Variants in ZNF438 observed in about 807,000 individuals in gnomAD.
ZNF438 encodes zinc finger protein 438.
Under a neutral mutation model 38.0 loss-of-function variants are expected in ZNF438, and 25 were observed. That is an observed-to-expected ratio of 0.66 (90% CI 0.48 to 0.92). The LOEUF (loss-of-function observed/expected upper bound fraction) is 0.92, where lower values mean the gene tolerates loss of function less well. ZNF438 is among the 40% of genes least tolerant of loss of function. ZNF438 has a pLI of 0.00. For missense variants in ZNF438, 1,007 were observed against 999.6 expected, an observed-to-expected ratio of 1.01 and a Z score of -0.10; for synonymous variants, 372 against 364.1, an observed-to-expected ratio of 1.02 and a Z score of -0.25.
intron 4 of ZNF438, among the ~76,000 whole-genome samples, chr10:30,852,841 T>C (rs1054131696): frequency 5.3e-5 from 8 of 152,206 alleles, no homozygotes; most frequent in Non-Finnish European, 1.0e-4. Context: ...GTAAATTGAG[T>C]GGTAAATCAC....
intron 3 of ZNF438, among the ~76,000 whole-genome samples, chr10:30,887,154 T>A (rs1486733603): frequency 2.0e-5 from 3 of 152,082 alleles, no homozygotes; most frequent in Non-Finnish European, 4.4e-5. Context: ...ATCACTGGAG[T>A]GAGATGGACT....
At chr10:30,992,359 G>A (rs890091240) in intron 1 of ZNF438, among the ~76,000 whole-genome samples, 3 of 151,948 alleles carry the variant, frequency 2.0e-5, no homozygotes, top group African/African-American at 7.2e-5. Flanking sequence ...CATAAATGGA[G>A]CATTAAGGGT....
chr10:30,868,735 T>TATTGCAAATG (rs2036891590), intron 4 of ZNF438, among the ~76,000 whole-genome samples: 1 of 152,264 alleles, frequency 6.6e-6, no homozygotes. Context: ...GCATCTGCTA[T>TATTGCAAATG]ATTGCAAATG....
At chr10:31,023,058 C>T (rs1475622034) in intron 1 of ZNF438, among the ~76,000 whole-genome samples, 2 of 152,178 alleles carry the variant, frequency 1.3e-5, no homozygotes, top group Non-Finnish European at 2.9e-5. Context: ...CAACCTAATA[C>T]TTTATATAAA....
At chr10:30,958,908 C>T (rs2049162260) in intron 1 of ZNF438, among the ~76,000 whole-genome samples, 1 of 147,328 alleles carries the variant, frequency 6.8e-6, no homozygotes, top group Non-Finnish European at 1.5e-5. Context: ...TTTTTCATTG[C>T]TGAATAGTAT....
chr10:30,876,959 AAC>A (rs1476595734), intron 4 of ZNF438, 37 bp downstream of exon 5: 1 of 1,572,128 alleles, frequency 6.4e-7, no homozygotes, highest in Admixed American at 1.7e-5. Context: ...TTAAAACTAT[AAC>A]AGACTCATCA....
chr10:30,862,571 T>C (rs1034816016), intron 4 of ZNF438, among the ~76,000 whole-genome samples: 1 of 152,196 alleles, frequency 6.6e-6, no homozygotes, highest in African/African-American at 2.4e-5. Context: ...TCCCTAAGTG[T>C]TGGAATTACA....
chr10:30,879,002 T>C (rs2038860288), intron 3 of ZNF438, among the ~76,000 whole-genome samples: 1 of 152,040 alleles, frequency 6.6e-6, no homozygotes, highest in Non-Finnish European at 1.5e-5. Flanking sequence ...CGATGAGCTC[T>C]ATGTGAGGAC....
chr10:30,866,223 T>C (rs920981040), intron 4 of ZNF438, among the ~76,000 whole-genome samples: 3 of 152,212 alleles, frequency 2.0e-5, no homozygotes, highest in African/African-American at 7.2e-5. Context: ...AATAGGACTG[T>C]TGTTCTGAGG....
intron 2 of ZNF438, chr10:30,921,351 T>G (rs1051109757): frequency 2.0e-5 from 3 of 152,214 alleles, no homozygotes; most frequent in African/African-American, 7.2e-5. Context: ...TTTAAAGCTA[T>G]TTGCCTATTG....
intron 4 of ZNF438, among the ~76,000 whole-genome samples, chr10:30,853,455 G>C (rs745663338): frequency 6.6e-6 from 1 of 152,088 alleles, no homozygotes; most frequent in Non-Finnish European, 1.5e-5. Flanking sequence ...AGCCATGGTG[G>C]CCTCTTTGCT....
intron 3 of ZNF438, among the ~76,000 whole-genome samples, chr10:30,882,494 A>C (rs2039399877): frequency 6.6e-6 from 1 of 152,242 alleles, no homozygotes; most frequent in Admixed American, 6.5e-5. Context: ...ATAAACATAC[A>C]ATGGAACATT....
At chr10:30,942,697 T>A (rs1054175310) in intron 1 of ZNF438, among the ~76,000 whole-genome samples, 1 of 151,364 alleles carries the variant, frequency 6.6e-6, no homozygotes, top group South Asian at 2.1e-4. Context: ...ATTTCTGATA[T>A]CCTGTCCTAG....
intron 1 of ZNF438, among the ~76,000 whole-genome samples, chr10:30,943,567 A>T (rs908847894): frequency 3.3e-5 from 5 of 152,222 alleles, no homozygotes; most frequent in African/African-American, 4.8e-5. Context: ...AGTTCTGAGT[A>T]TCAGAAACTC....
intron 1 of ZNF438, among the ~76,000 whole-genome samples, chr10:30,969,050 A>T (rs1008501807): frequency 6.6e-6 from 1 of 152,220 alleles, no homozygotes; most frequent in Admixed American, 6.5e-5. Flanking sequence ...AATGTGACAC[A>T]TTTAAAATAT....
intron 2 of ZNF438, among the ~76,000 whole-genome samples, chr10:30,939,518 A>T (rs2046595994): frequency 6.6e-6 from 1 of 152,234 alleles, no homozygotes. Flanking sequence ...CTTAAAAACA[A>T]CCCACCCATG....
At chr10:30,881,676 A>T (rs1447101537) in intron 3 of ZNF438, among the ~76,000 whole-genome samples, 3 of 152,110 alleles carry the variant, frequency 2.0e-5, no homozygotes, top group Admixed American at 6.5e-5. Flanking sequence ...AATAATCAAA[A>T]TTTTCTTAAA....
chr10:30,850,253 A>G, exon 5 of ZNF438: 5 of 1,614,202 alleles, frequency 3.1e-6, no homozygotes, highest in Non-Finnish European at 4.2e-6. Context: ...ATGACATGGC[A>G]GCATTCTGGA....
intron 3 of ZNF438, among the ~76,000 whole-genome samples, chr10:30,907,124 G>A (rs1430062990): frequency 3.9e-5 from 6 of 152,074 alleles, no homozygotes; most frequent in African/African-American, 1.4e-4. Context: ...ACAGGCATTC[G>A]CCACCACGCC....
Sources: gnomAD v4.1 joint callset for allele counts (sites outside exome capture counted in the v4.1 genomes callset) on GRCh38, gnomAD v4.1.1 for gene constraint, MANE v1.5 for transcripts, NCBI Gene and HGNC (gene_info 2026-07-23, HGNC 2026-07-21) for gene names.